CABLES1: variants seen among roughly 807,000 people sequenced by gnomAD.
CABLES1 encodes CDK5 and ABL1 enzyme substrate 1.
Under a neutral mutation model 57.8 loss-of-function variants are expected in CABLES1, and 36 were observed. The observed-to-expected ratio is 0.62, with a 90% CI of 0.48 to 0.82. CABLES1 has a LOEUF of 0.82. Ranked by LOEUF, CABLES1 falls within the 40% of genes least tolerant of loss-of-function variation. The probability of loss-of-function intolerance (pLI) is 0.00; values close to 1 mark genes in which losing one functional copy is unlikely to be tolerated. For missense variants in CABLES1, 767 were observed against 836.6 expected (o/e 0.92, Z 1.03); for synonymous variants, 374 against 363.0 (o/e 1.03, Z -0.35).
At chr18:23,190,051 G>GC (rs2047230500) in intron 2 of CABLES1, among the ~76,000 whole-genome samples, 2 of 152,218 alleles carry the variant, frequency 1.3e-5, no homozygotes, top group African/African-American at 4.8e-5. Context: ...AGGATGTGTG[G>GC]TATGTGGCTG....
chr18:23,205,759 C>T (rs571050674), intron 3 of CABLES1, among the ~76,000 whole-genome samples: 10 of 152,222 alleles, frequency 6.6e-5, no homozygotes, highest in South Asian at 2.1e-4. Context: ...TCTGGATGGC[C>T]GAGGCAGGAG....
chr18:23,209,663 T>C (rs937781376), intron 3 of CABLES1, among the ~76,000 whole-genome samples: 2 of 152,206 alleles, frequency 1.3e-5, no homozygotes, highest in African/African-American at 4.8e-5. Flanking sequence ...TAAGAGAATA[T>C]TTCTGTTGTA....
At chr18:23,215,741 AC>A (rs1267648443) in intron 4 of CABLES1, among the ~76,000 whole-genome samples, 3 of 150,850 alleles carry the variant, frequency 2.0e-5, no homozygotes, top group African/African-American at 7.3e-5. Flanking sequence ...ATTAACTACA[AC>A]TTTTTTTTTC....
intron 1 of CABLES1, among the ~76,000 whole-genome samples, chr18:23,172,236 C>T (rs1011871274): frequency 6.6e-6 from 1 of 152,200 alleles, no homozygotes; most frequent in African/African-American, 2.4e-5. Flanking sequence ...CATCTTAACA[C>T]GGTAGAGACA....
intron 3 of CABLES1, among the ~76,000 whole-genome samples, chr18:23,207,254 G>A (rs1447232376): frequency 1.3e-5 from 2 of 152,220 alleles, no homozygotes; most frequent in Admixed American, 6.5e-5. Flanking sequence ...CGAGTTTTGC[G>A]TGAGTCAGGG....
intron 2 of CABLES1, among the ~76,000 whole-genome samples, chr18:23,189,824 C>T (rs2047228656): frequency 6.6e-6 from 1 of 152,262 alleles, no homozygotes; most frequent in Admixed American, 6.5e-5. Flanking sequence ...TCCTTCCCCA[C>T]CTGAAGCTTC....
Position 23,135,694 on chromosome 18 carries a change from C to T in CABLES1, c.-69C>T, listed in dbSNP as rs945686474. ...CAGCCCGGGTCGCCGCCGCTCGCGC[C>T]CGCCGCTTAGCGCTCGGGCGCCGCT... On this transcript the variant is annotated 5_prime_UTR_variant, in exon 1 of 10. Transcript: ENST00000256925. The T allele has an allele frequency of 6.1e-6, 6 of 983,050 alleles. No individual in the cohort carries two copies. The highest frequency in any genetic ancestry group is 7.2e-6 in the Non-Finnish European group (6 of 829,664). The allele number at this position is 983,050 out of a possible 1,614,324, so 60.9% of individuals were successfully genotyped here.
chr18:23,203,398 A>G (rs1347751843), intron 3 of CABLES1, among the ~76,000 whole-genome samples: 1 of 152,080 alleles, frequency 6.6e-6, no homozygotes, highest in African/African-American at 2.4e-5. Flanking sequence ...TTGAGATGGA[A>G]GTGGATAAAG....
chr18:23,201,773 A>G (rs1303270206), intron 3 of CABLES1, among the ~76,000 whole-genome samples: 2 of 152,332 alleles, frequency 1.3e-5, no homozygotes, highest in Middle Eastern at 3.4e-3. Flanking sequence ...AGGGAGGGAA[A>G]TGATACATGT....
chr18:23,239,894 G>C (rs2047692844), intron 7 of CABLES1, among the ~76,000 whole-genome samples: 1 of 152,190 alleles, frequency 6.6e-6, no homozygotes, highest in African/African-American at 2.4e-5. Context: ...AAGGCAGGTG[G>C]ATCACCTGAG....
At chr18:23,212,934 A>G (rs1248781248) in intron 3 of CABLES1, among the ~76,000 whole-genome samples, 1 of 152,194 alleles carries the variant, frequency 6.6e-6, no homozygotes, top group Non-Finnish European at 1.5e-5. Context: ...ACAGCAGGAT[A>G]GGATTTTTTG....
intron 1 of CABLES1, among the ~76,000 whole-genome samples, chr18:23,181,959 A>G (rs185218140): frequency 3.9e-5 from 6 of 152,334 alleles, no homozygotes; most frequent in Non-Finnish European, 7.4e-5. Flanking sequence ...TGAGGTATCC[A>G]AGACACTCTC....
chr18:23,210,327 T>C (rs966185137), intron 3 of CABLES1, among the ~76,000 whole-genome samples: 3 of 152,048 alleles, frequency 2.0e-5, no homozygotes, highest in Non-Finnish European at 4.4e-5. Context: ...GGGAAATGAT[T>C]TGGGCTTTTT....
chr18:23,135,656 C>G lies in CABLES1; in HGVS notation c.-107C>G. Reference sequence around the variant, plus strand: ...GGACCGCCGCGCACGCCGCCCGATCCCCGCGCCCTACCCAGCCCGGGTCGC... The same window carrying G: ...GGACCGCCGCGCACGCCGCCCGATCGCCGCGCCCTACCCAGCCCGGGTCGC... On this transcript the variant is annotated 5_prime_UTR_variant, in exon 1 of 10. Coordinates refer to ENST00000256925, the MANE Select transcript of CABLES1 (RefSeq NM_001100619.3). 2.1e-6 allele frequency: 2 copies of G among 947,978 alleles called. No homozygotes were observed. The highest frequency in any genetic ancestry group is 2.5e-6 in the Non-Finnish European group (2 of 797,404). 58.7% of individuals were successfully genotyped at this position (947,978 alleles called of 1,614,324 possible).
intron 4 of CABLES1, chr18:23,219,285 A>G (rs764763420): frequency 6.8e-5 from 31 of 454,020 alleles, no homozygotes; most frequent in South Asian, 4.8e-4. Context: ...AAGCTAGTAA[A>G]CCAATCATCA....
intron 4 of CABLES1, among the ~76,000 whole-genome samples, chr18:23,216,897 A>G (rs1247534616): frequency 3.3e-5 from 5 of 152,114 alleles, no homozygotes; most frequent in African/African-American, 1.2e-4. Context: ...TGTTGCAGAA[A>G]GGGCCACTGC....
At chr18:23,241,286 C>A (rs750255333) in intron 7 of CABLES1, among the ~76,000 whole-genome samples, 6 of 151,870 alleles carry the variant, frequency 4.0e-5, no homozygotes, top group Non-Finnish European at 5.9e-5. Context: ...CTTTGGGAGG[C>A]CGAGGTGGGT....
chr18:23,234,974 A>G (rs1196930897), intron 5 of CABLES1, among the ~76,000 whole-genome samples: 1 of 152,238 alleles, frequency 6.6e-6, no homozygotes, highest in African/African-American at 2.4e-5. Context: ...ACACACAGAC[A>G]TGTTCCAGGA....
At chr18:23,226,178 C>T (rs190911372) in intron 4 of CABLES1, among the ~76,000 whole-genome samples, 263 of 152,202 alleles carry the variant, frequency 1.7e-3, no homozygotes, top group Non-Finnish European at 9.1e-4. Context: ...CCGAGGTGGG[C>T]GGATCACAAG....
Sources: gnomAD v4.1 joint callset for allele counts (sites outside exome capture counted in the v4.1 genomes callset) on GRCh38, gnomAD v4.1.1 for gene constraint, MANE v1.5 for transcripts, NCBI Gene and HGNC (gene_info 2026-07-23, HGNC 2026-07-21) for gene names.